Variants in ZBTB20 observed in about 807,000 individuals in gnomAD.
The protein encoded by ZBTB20 is zinc finger and BTB domain-containing protein 20.
A neutral mutation model predicts 56.9 loss-of-function variants in ZBTB20; 9 were observed. The ratio of observed to expected loss-of-function variants is 0.16; its 90% CI spans 0.10 to 0.28. The LOEUF (loss-of-function observed/expected upper bound fraction) is 0.28, where lower values mean the gene tolerates loss of function less well. ZBTB20 is among the 10% of genes least tolerant of loss of function. The probability of loss-of-function intolerance (pLI) is 1.00; values close to 1 mark genes in which losing one functional copy is unlikely to be tolerated. For missense variants in ZBTB20, 655 were observed against 1,003.0 expected (o/e 0.65, Z 4.69); for synonymous variants, 417 against 420.7 (o/e 0.99, Z 0.11).
intron 6 of ZBTB20, among the ~76,000 whole-genome samples, chr3:114,689,056 C>T (rs2062535557): frequency 6.6e-6 from 1 of 152,070 alleles, no homozygotes; most frequent in African/African-American, 2.4e-5. Flanking sequence ...AGATTTCTTT[C>T]GTTAACACTT....
At chr3:114,591,349 T>A (rs1209904591) in intron 6 of ZBTB20, among the ~76,000 whole-genome samples, 17 of 152,220 alleles carry the variant, frequency 1.1e-4, no homozygotes, top group Non-Finnish European at 2.4e-4. Flanking sequence ...TTCACACTCT[T>A]GATAAACTTT....
chr3:114,742,062 C>G (rs1319413906), intron 5 of ZBTB20, among the ~76,000 whole-genome samples: 1 of 152,028 alleles, frequency 6.6e-6, no homozygotes, highest in African/African-American at 2.4e-5. Context: ...AAATAGCAAT[C>G]AAGAATAGGG....
intron 4 of ZBTB20, among the ~76,000 whole-genome samples, chr3:114,884,756 A>T (rs1213000497): frequency 6.6e-6 from 1 of 150,848 alleles, no homozygotes; most frequent in African/African-American, 2.5e-5. Flanking sequence ...TGAGACTAAT[A>T]AAAAAAAATA....
At chr3:114,406,735 T>C (rs925113253) in intron 7 of ZBTB20, among the ~76,000 whole-genome samples, 4 of 151,964 alleles carry the variant, frequency 2.6e-5, no homozygotes, top group African/African-American at 9.7e-5. Context: ...GTTTGTAGAG[T>C]CACTACTACA....
chr3:114,997,016 C>T (rs1397644708), intron 2 of ZBTB20, among the ~76,000 whole-genome samples: 1 of 143,682 alleles, frequency 7.0e-6, no homozygotes, highest in African/African-American at 2.5e-5. Flanking sequence ...GAAATAGGAA[C>T]GCTTTTACCC....
At chr3:114,803,851 T>C (rs1282273813) in intron 4 of ZBTB20, among the ~76,000 whole-genome samples, 1 of 151,144 alleles carries the variant, frequency 6.6e-6, no homozygotes, top group Admixed American at 6.6e-5. Flanking sequence ...TTTCAGAGTA[T>C]GTGTCATCAA....
chr3:114,955,212 A>G (rs1171075303), intron 3 of ZBTB20, among the ~76,000 whole-genome samples: 1 of 152,210 alleles, frequency 6.6e-6, no homozygotes, highest in Non-Finnish European at 1.5e-5. Context: ...AGATTCTTGG[A>G]CAAGTTACTA....
chr3:114,969,415 A>C (rs2077780067), intron 3 of ZBTB20, among the ~76,000 whole-genome samples: 1 of 152,236 alleles, frequency 6.6e-6, no homozygotes, highest in Non-Finnish European at 1.5e-5. Flanking sequence ...TGGCTTCCAA[A>C]AGTACACAAT....
intron 1 of ZBTB20, among the ~76,000 whole-genome samples, chr3:115,110,634 T>C (rs1290944068): frequency 6.6e-6 from 1 of 152,224 alleles, no homozygotes; most frequent in African/African-American, 2.4e-5. Context: ...TATTTCAAAA[T>C]TGTCATTTAC....
intron 2 of ZBTB20, among the ~76,000 whole-genome samples, chr3:115,006,583 C>T (rs1252136014): frequency 1.3e-5 from 2 of 151,282 alleles, no homozygotes; most frequent in Non-Finnish European, 3.0e-5. Flanking sequence ...TCCTCCTTGG[C>T]AAAAATATAT....
chr3:115,135,538 C>A (rs1270245655), intron 1 of ZBTB20, among the ~76,000 whole-genome samples: 2 of 152,166 alleles, frequency 1.3e-5, no homozygotes, highest in East Asian at 3.9e-4. Context: ...TATTCCAGGA[C>A]TTAATTATCT....
chr3:114,612,359 TA>T (rs1454164795), intron 6 of ZBTB20, among the ~76,000 whole-genome samples: 1 of 152,196 alleles, frequency 6.6e-6, no homozygotes, highest in Non-Finnish European at 1.5e-5. Context: ...AATAAGAGTA[TA>T]AAAACCATAA....
chr3:114,640,674 T>TAGTTAG (rs1318119198), intron 6 of ZBTB20, among the ~76,000 whole-genome samples: 2 of 152,070 alleles, frequency 1.3e-5, no homozygotes, highest in East Asian at 3.9e-4. Context: ...TATATAAGCT[T>TAGTTAG]TAAAAAAGTT....
intron 2 of ZBTB20, among the ~76,000 whole-genome samples, chr3:115,043,970 G>A: frequency 6.6e-6 from 1 of 152,076 alleles, no homozygotes; most frequent in Admixed American, 6.5e-5. Context: ...AGATCTGGTT[G>A]CTTAAATGCA....
At chr3:114,439,453 G>A (rs1450122188) in intron 7 of ZBTB20, among the ~76,000 whole-genome samples, 4 of 152,140 alleles carry the variant, frequency 2.6e-5, no homozygotes, top group Non-Finnish European at 4.4e-5. Flanking sequence ...AAGTTGAAGC[G>A]ATGACTTCAC....
intron 7 of ZBTB20, among the ~76,000 whole-genome samples, chr3:114,492,669 G>A (rs2042876658): frequency 6.6e-6 from 1 of 152,092 alleles, no homozygotes; most frequent in Non-Finnish European, 1.5e-5. Flanking sequence ...ATTTACCAAA[G>A]TTAAGCTACC....
At chr3:114,568,491 GCACAGCTGGTATACAACTAGAGT>G (rs1415030418) in intron 6 of ZBTB20, among the ~76,000 whole-genome samples, 1 of 152,162 alleles carries the variant, frequency 6.6e-6, no homozygotes, top group East Asian at 1.9e-4. Flanking sequence ...GATTTTGCAT[GCACAGCTGGTATACAACTAGAGT>G]CTCAGCCACA....
chr3:114,375,318 G>A (rs1043243622), intron 10 of ZBTB20, among the ~76,000 whole-genome samples: 4 of 151,988 alleles, frequency 2.6e-5, no homozygotes, highest in Middle Eastern at 3.2e-3. Flanking sequence ...TCACAAACCC[G>A]TTCAAACAGT....
intron 4 of ZBTB20, among the ~76,000 whole-genome samples, chr3:114,802,747 A>G (rs2108846438): frequency 6.6e-6 from 1 of 152,086 alleles, no homozygotes; most frequent in East Asian, 1.9e-4. Context: ...TGATTCAGAA[A>G]TTTAAAACTG....
Sources: gnomAD v4.1 joint callset for allele counts (sites outside exome capture counted in the v4.1 genomes callset) on GRCh38, gnomAD v4.1.1 for gene constraint, MANE v1.5 for transcripts, NCBI Gene and HGNC (gene_info 2026-07-23, HGNC 2026-07-21) for gene names.